HIPK3: variants seen among roughly 807,000 people sequenced by gnomAD.
HIPK3 encodes the protein homeodomain-interacting protein kinase 3.
In HIPK3, 47 loss-of-function variants were observed where a neutral mutation model predicts 124.2. That is an observed-to-expected ratio of 0.38 (90% CI 0.30 to 0.48). HIPK3 has a LOEUF of 0.48. Ranked by LOEUF, HIPK3 falls within the 20% of genes least tolerant of loss-of-function variation. The probability of loss-of-function intolerance (pLI) is 0.98; values close to 1 mark genes in which losing one functional copy is unlikely to be tolerated. For missense variants in HIPK3, 1,286 were observed against 1,454.3 expected (o/e 0.88, Z 1.88); for synonymous variants, 482 against 515.2 (o/e 0.94, Z 0.87).
At chr11:33,262,002 G>A (rs1046166389) in intron 1 of HIPK3, among the ~76,000 whole-genome samples, 1 of 152,096 alleles carries the variant, frequency 6.6e-6, no homozygotes, top group Non-Finnish European at 1.5e-5. Flanking sequence ...TTGGCCACAC[G>A]TATGTCTTTT....
intron 2 of HIPK3, among the ~76,000 whole-genome samples, chr11:33,328,009 T>TG (rs1311169980): frequency 6.6e-6 from 1 of 152,254 alleles, no homozygotes; most frequent in Non-Finnish European, 1.5e-5. Context: ...TTTAATCTCT[T>TG]GGATGACTAA....
chr11:33,315,504 C>T (rs1220859110), intron 2 of HIPK3, among the ~76,000 whole-genome samples: 4 of 152,080 alleles, frequency 2.6e-5, no homozygotes, highest in East Asian at 3.9e-4. Context: ...GGATTACAGG[C>T]GTGAGCCACT....
intron 2 of HIPK3, among the ~76,000 whole-genome samples, chr11:33,323,179 G>A (rs1443413623): frequency 1.3e-5 from 2 of 152,206 alleles, no homozygotes; most frequent in African/African-American, 2.4e-5. Flanking sequence ...GTTGAACACT[G>A]AAAACATTAT....
chr11:33,343,247 T>TTTTGTGTGTG (rs376198168), intron 8 of HIPK3, among the ~76,000 whole-genome samples: 1 of 141,418 alleles, frequency 7.1e-6, no homozygotes, highest in Admixed American at 7.1e-5. Flanking sequence ...TTATTTGATT[T>TTTTGTGTGTG]TGTGTGTGTG....
intron 2 of HIPK3, among the ~76,000 whole-genome samples, chr11:33,288,121 T>A (rs1851605381): frequency 6.6e-6 from 1 of 152,158 alleles, no homozygotes; most frequent in Non-Finnish European, 1.5e-5. Context: ...TCAACCTGTA[T>A]AAGGATTCAG....
At chr11:33,276,007 C>T (rs1414348730) in intron 1 of HIPK3, among the ~76,000 whole-genome samples, 1 of 152,148 alleles carries the variant, frequency 6.6e-6, no homozygotes, top group Non-Finnish European at 1.5e-5. Flanking sequence ...TTGTTTTATA[C>T]CTGTCACTCG....
intron 2 of HIPK3, among the ~76,000 whole-genome samples, chr11:33,296,605 A>G (rs1018231999): frequency 9.2e-5 from 14 of 152,280 alleles, no homozygotes; most frequent in African/African-American, 3.4e-4. Context: ...TTGGTAATTA[A>G]TGATATTTCA....
At chr11:33,307,055 T>G (rs1429038520) in intron 2 of HIPK3, among the ~76,000 whole-genome samples, 1 of 151,336 alleles carries the variant, frequency 6.6e-6, no homozygotes, top group Non-Finnish European at 1.5e-5. Context: ...TCTCCCTTCC[T>G]CACATCCCCA....
intron 2 of HIPK3, among the ~76,000 whole-genome samples, chr11:33,324,901 C>G (rs1020364035): frequency 1.3e-5 from 2 of 152,222 alleles, no homozygotes; most frequent in African/African-American, 4.8e-5. Flanking sequence ...GCCCAGGCAT[C>G]TTCCCCAGCA....
chr11:33,349,315 A>G, intron 14 of HIPK3, 28 bp downstream of exon 14: 1 of 1,569,594 alleles, frequency 6.4e-7, no homozygotes, highest in Non-Finnish European at 8.7e-7. Flanking sequence ...GTAGTGTGTA[A>G]TAAATAGTAA....
In HIPK3 at chr11:33,341,138, G is replaced by A. The variant is rs373319254; in HGVS notation, c.1773+11G>A. 7.8e-6 allele frequency: 12 copies of A among 1,529,540 alleles called. No homozygotes were observed. Among genetic ancestry groups the A allele is most frequent in the Non-Finnish European group, 1.1e-5 (12 of 1,136,550 alleles). 94.7% of individuals were successfully genotyped at this position (1,529,540 alleles called of 1,614,324 possible). ...ACATTAAGAAGTCAGGTAAGAATGT[G>A]TAGTAATTAATAACTTAGGGTCTTT... On this transcript the variant is annotated intron_variant, in intron 7 of 16. Coordinates refer to ENST00000303296, the MANE Select transcript of HIPK3 (RefSeq NM_005734.5).
chr11:33,352,868 GTTTA>G, intron 16 of HIPK3, among the ~76,000 whole-genome samples: 1 of 152,092 alleles, frequency 6.6e-6, no homozygotes, highest in South Asian at 2.1e-4. Context: ...TAATAGCAGT[GTTTA>G]TATTATAATA....
intron 1 of HIPK3, among the ~76,000 whole-genome samples, chr11:33,285,681 T>A (rs1233958300): frequency 6.6e-6 from 1 of 152,124 alleles, no homozygotes; most frequent in East Asian, 1.9e-4. Context: ...ACTATGTTTA[T>A]ATAATGTATA....
At position 33,297,091 on chromosome 11, in the gene HIPK3, A is replaced by ATTT. The variant is rs34751907; in HGVS notation, c.1097+9596_1097+9598dup. 2.9e-4 allele frequency among the ~76,000 whole-genome samples: 39 copies of ATTT among 136,454 alleles called. 1 individual carries two copies. Among genetic ancestry groups the ATTT allele is most frequent in the Admixed American group, 3.0e-4 (4 of 13,258 alleles). 89.5% of individuals were successfully genotyped at this position (136,454 alleles called of 152,430 possible). On this transcript the variant is annotated intron_variant, in intron 2 of 16. Transcript: ENST00000303296. ...CAGTGTTATTGCTGATATGGAAAAG[A>ATTT]TTTTTTTTTTTTTTTTTTGAGATGG... is the stretch of plus-strand genomic sequence containing the variant.
At chr11:33,293,482 A>G (rs2133912936) in intron 2 of HIPK3, among the ~76,000 whole-genome samples, 1 of 137,556 alleles carries the variant, frequency 7.3e-6, no homozygotes, top group East Asian at 2.2e-4. Context: ...TGTGTAGATC[A>G]TCTATTCTGG....
intron 1 of HIPK3, among the ~76,000 whole-genome samples, chr11:33,273,141 G>C (rs1851180808): frequency 6.6e-6 from 1 of 151,846 alleles, no homozygotes; most frequent in Non-Finnish European, 1.5e-5. Context: ...CCATTGTAAA[G>C]GGCCATCCTC....
At chr11:33,295,280 C>A (rs1375154386) in intron 2 of HIPK3, among the ~76,000 whole-genome samples, 1 of 149,078 alleles carries the variant, frequency 6.7e-6, no homozygotes, top group Non-Finnish European at 1.5e-5. Flanking sequence ...CACCACCGCC[C>A]CCCCCCCACA....
At chr11:33,266,318 A>ATAAAT (rs60764330) in intron 1 of HIPK3, among the ~76,000 whole-genome samples, 1 of 151,704 alleles carries the variant, frequency 6.6e-6, no homozygotes, top group Non-Finnish European at 1.5e-5. Context: ...ACTTTATTAA[A>ATAAAT]ATGAAATATT....
Position 33,353,489 on chromosome 11 carries a change from A to G in HIPK3, c.3569A>G (p.His1190Arg). Reference protein sequence around the residue: ...QTQYKPIFPPHSYIAASPAYT... With the variant: ...QTQYKPIFPPRSYIAASPAYT... ...CAGTACAAACCAATCTTCCCACCAC[A>G]TTCTTACATTGCAGCATCACCTGCA... The change falls in exon 17 of 17, where the codon CAT becomes CGT. Residue 1190 changes from histidine (H) to arginine (R), a missense_variant. Around this residue, in one of 3 missense-constraint regions of HIPK3, gnomAD observed 810 missense variants for 864.9 expected, o/e 0.94. Coordinates refer to ENST00000303296, the MANE Select transcript of HIPK3 (RefSeq NM_005734.5). 1 of 1,614,108 alleles carries G rather than the reference A, an allele frequency of 6.2e-7. No individual in the cohort carries two copies. The highest frequency in any genetic ancestry group is 8.5e-7 in the Non-Finnish European group (1 of 1,179,982).
Sources: gnomAD v4.1 joint callset for allele counts (sites outside exome capture counted in the v4.1 genomes callset) on GRCh38, gnomAD v4.1.1 for gene constraint, gnomAD v4.1.1 regional missense constraint, MANE v1.5 for transcripts, NCBI Gene and HGNC (gene_info 2026-07-23, HGNC 2026-07-21) for gene names.